STXBP4: variants seen among roughly 807,000 people sequenced by gnomAD.
STXBP4 encodes the protein syntaxin-binding protein 4.
A neutral mutation model predicts 76.1 loss-of-function variants in STXBP4; 55 were observed. The observed-to-expected ratio is 0.72, with a 90% CI of 0.58 to 0.91. The LOEUF (loss-of-function observed/expected upper bound fraction) is 0.91. Among genes scored for constraint, STXBP4 ranks in the 40% least tolerant of loss-of-function variants. The pLI is 0.00. For missense variants in STXBP4, 618 were observed against 636.9 expected (o/e 0.97, Z 0.32); for synonymous variants, 201 against 220.2 (o/e 0.91, Z 0.77).
chr17:55,133,592 G>C (rs1198892478), intron 16 of STXBP4, among the ~76,000 whole-genome samples: 2 of 152,176 alleles, frequency 1.3e-5, no homozygotes, highest in Non-Finnish European at 2.9e-5. Flanking sequence ...ACCAAGCCTT[G>C]GAGCAGTCCA....
intron 16 of STXBP4, among the ~76,000 whole-genome samples, chr17:55,101,612 A>G (rs1457966147): frequency 6.6e-6 from 1 of 152,224 alleles, no homozygotes; most frequent in Non-Finnish European, 1.5e-5. Context: ...ATTCAATAAG[A>G]AAGAGGGAAA....
At chr17:55,055,801 C>A (rs17818190) in intron 12 of STXBP4, among the ~76,000 whole-genome samples, 30,934 of 152,138 alleles carry the variant, frequency 0.2, 3,372 homozygotes, top group Middle Eastern at 0.34. Context: ...CTGACCCTTA[C>A]TGTGTGTGGA....
chr17:55,190,336 TA>T, the STXBP4 span, among the ~76,000 whole-genome samples: 1 of 152,078 alleles, frequency 6.6e-6, no homozygotes, highest in Non-Finnish European at 1.5e-5. Flanking sequence ...CAGGGAAGCA[TA>T]GGGGTGCACA....
At chr17:55,018,908 C>G (rs1026067413) in intron 8 of STXBP4, among the ~76,000 whole-genome samples, 2 of 152,194 alleles carry the variant, frequency 1.3e-5, no homozygotes, top group African/African-American at 2.4e-5. Flanking sequence ...TGGATGTATA[C>G]GTGCAGGTCA....
At chr17:54,984,339 CTTTTTT>C (rs60222961) in intron 1 of STXBP4, among the ~76,000 whole-genome samples, 6 of 81,198 alleles carry the variant, frequency 7.4e-5, no homozygotes, top group African/African-American at 2.0e-4. Context: ...TTTCTTTTTT[CTTTTTT>C]TTTTTTTTTT....
chr17:55,028,306 A>C (rs1312501070), intron 8 of STXBP4, among the ~76,000 whole-genome samples: 1 of 152,204 alleles, frequency 6.6e-6, no homozygotes, highest in Non-Finnish European at 1.5e-5. Context: ...GCTTTAAAAA[A>C]AGTTCACTTC....
intron 12 of STXBP4, among the ~76,000 whole-genome samples, chr17:55,048,909 T>C (rs2078824700): frequency 6.6e-6 from 1 of 151,924 alleles, no homozygotes; most frequent in African/African-American, 2.4e-5. Flanking sequence ...GAATCTAATA[T>C]AGGTACTGGG....
chr17:55,192,498 C>T, the STXBP4 span, among the ~76,000 whole-genome samples: 5 of 152,288 alleles, frequency 3.3e-5, no homozygotes, highest in Admixed American at 2.0e-4. Flanking sequence ...AACACACACA[C>T]GCCACCTTCA....
downstream of STXBP4, among the ~76,000 whole-genome samples, chr17:55,175,713 A>G (rs2080427673): frequency 6.6e-6 from 1 of 152,204 alleles, no homozygotes. Flanking sequence ...GAGACCGTGG[A>G]GGATCAGGCA....
At chr17:55,188,887 T>C in the STXBP4 span, among the ~76,000 whole-genome samples, 1 of 152,222 alleles carries the variant, frequency 6.6e-6, no homozygotes, top group Non-Finnish European at 1.5e-5. Context: ...AACTGCAGAA[T>C]TGGTTGCTTT....
intron 16 of STXBP4, among the ~76,000 whole-genome samples, chr17:55,087,025 A>T (rs527972701): frequency 1.3e-5 from 2 of 152,042 alleles, no homozygotes; most frequent in African/African-American, 4.8e-5. Context: ...GATGTTGAGC[A>T]TTTTTCATCT....
intron 16 of STXBP4, among the ~76,000 whole-genome samples, chr17:55,111,599 T>G (rs2079717045): frequency 6.6e-6 from 1 of 152,084 alleles, no homozygotes; most frequent in Non-Finnish European, 1.5e-5. Flanking sequence ...TTTAAAAGTG[T>G]GCAGCACCTC....
intron 17 of STXBP4, among the ~76,000 whole-genome samples, chr17:55,146,493 C>G (rs552112967): frequency 2.1e-4 from 32 of 152,052 alleles, no homozygotes; most frequent in African/African-American, 7.7e-4. Flanking sequence ...AGGCGGATCA[C>G]GAGGTCAGGA....
At chr17:55,043,879 C>T (rs767581847) in intron 11 of STXBP4, 8 of 485,244 alleles carry the variant, frequency 1.6e-5, no homozygotes, top group Non-Finnish European at 2.5e-5. Context: ...GACAGGGTCG[C>T]ACTCTGTCGC....
chr17:55,131,931 T>G (rs946414350), intron 16 of STXBP4, among the ~76,000 whole-genome samples: 1 of 152,074 alleles, frequency 6.6e-6, no homozygotes, highest in African/African-American at 2.4e-5. Context: ...CCTGGCTAAT[T>G]TTTTGCATAT....
At chr17:55,089,607 T>C (rs2079383848) in intron 16 of STXBP4, among the ~76,000 whole-genome samples, 1 of 152,216 alleles carries the variant, frequency 6.6e-6, no homozygotes. Flanking sequence ...TATATTTACA[T>C]GTTCTATATC....
chr17:55,101,015 A>G (rs576251434), intron 16 of STXBP4, among the ~76,000 whole-genome samples: 75 of 152,312 alleles, frequency 4.9e-4, no homozygotes, highest in Admixed American at 2.1e-3. Context: ...AAGCCTTATG[A>G]GATCCTAAGC....
At chr17:54,971,684 G>A (rs550324130) in intron 1 of STXBP4, among the ~76,000 whole-genome samples, 21 of 152,076 alleles carry the variant, frequency 1.4e-4, no homozygotes, top group Non-Finnish European at 2.5e-4. Context: ...TTTAGATCTA[G>A]GATTTAATCC....
At chr17:55,045,426 C>T (rs1400582973) in intron 11 of STXBP4, among the ~76,000 whole-genome samples, 2 of 152,050 alleles carry the variant, frequency 1.3e-5, no homozygotes, top group Non-Finnish European at 2.9e-5. Flanking sequence ...AACCATTAGA[C>T]TTGTGGTTTA....
Sources: gnomAD v4.1 joint callset for allele counts (sites outside exome capture counted in the v4.1 genomes callset) on GRCh38, gnomAD v4.1.1 for gene constraint, MANE v1.5 for transcripts, NCBI Gene and HGNC (gene_info 2026-07-23, HGNC 2026-07-21) for gene names.